The following SPIDR variants were observed in gnomAD, a reference collection of about 807,000 sequenced individuals.
The protein encoded by SPIDR is DNA repair-scaffolding protein.
Under a neutral mutation model 104.6 loss-of-function variants are expected in SPIDR, and 93 were observed. The observed-to-expected ratio is 0.89, with a 90% CI of 0.75 to 1.06. The LOEUF (loss-of-function observed/expected upper bound fraction) is 1.06, where lower values mean the gene tolerates loss of function less well. SPIDR is among the 50% of genes least tolerant of loss of function. SPIDR has a pLI of 0.00. For synonymous variants in SPIDR, 431 were observed against 416.9 expected, an observed-to-expected ratio of 1.03 and a Z score of -0.41; for missense variants, 1,154 against 1,111.2, an observed-to-expected ratio of 1.04 and a Z score of -0.55.
Position 47,440,302 on chromosome 8 carries a change from G to A in SPIDR, c.878-21G>A. 1.9e-6 allele frequency: 3 copies of A among 1,605,016 alleles called. No individual in the cohort carries two copies. The South Asian group carries it at 3.3e-5, about 18-fold the overall frequency. ...TGTCTTTTGATTTCATTTTTGCTTT[G>A]TTCTTTTCTTCAACTTCTAGGTAGA... On this transcript the variant is annotated intron_variant, in intron 7 of 19. Transcript: ENST00000297423.
At chr8:47,726,555 G>A (rs548570458) in intron 16 of SPIDR, among the ~76,000 whole-genome samples, 24 of 152,220 alleles carry the variant, frequency 1.6e-4, no homozygotes, top group Admixed American at 1.4e-3. Flanking sequence ...GTGCTCACCC[G>A]GCCTCAGCCC....
chr8:47,480,722 T>C (rs934037168), intron 8 of SPIDR, among the ~76,000 whole-genome samples: 6 of 152,200 alleles, frequency 3.9e-5, no homozygotes, highest in African/African-American at 7.2e-5. Context: ...GCTGAGAGTC[T>C]GGAAAAGGCA....
chr8:47,708,263 C>T (rs555601449), intron 14 of SPIDR, among the ~76,000 whole-genome samples: 1 of 152,392 alleles, frequency 6.6e-6, no homozygotes, highest in East Asian at 1.9e-4. Flanking sequence ...TGTGCCACTA[C>T]ACTCCAGCCT....
At chr8:47,412,581 A>G (rs1376880165) in intron 7 of SPIDR, among the ~76,000 whole-genome samples, 1 of 152,210 alleles carries the variant, frequency 6.6e-6, no homozygotes, top group Non-Finnish European at 1.5e-5. Context: ...ACTCTGGCCA[A>G]CATGGGCTAC....
intron 10 of SPIDR, among the ~76,000 whole-genome samples, chr8:47,611,946 A>G (rs993628142): frequency 8.5e-5 from 13 of 152,188 alleles, no homozygotes; most frequent in Non-Finnish European, 1.8e-4. Flanking sequence ...GAGACTCCTC[A>G]GGCCTCTGGT....
chr8:47,572,673 A>AAAATAAATAAAT (rs56105115), intron 8 of SPIDR, among the ~76,000 whole-genome samples: 28,608 of 145,660 alleles, frequency 0.2, 3,344 homozygotes, highest in East Asian at 0.28. Context: ...AAATTAAATT[A>AAAATAAATAAAT]AAATAAATAA....
intron 16 of SPIDR, 60 bp downstream of exon 16, chr8:47,713,701 T>C: frequency 6.3e-7 from 1 of 1,582,828 alleles, no homozygotes; most frequent in Middle Eastern, 2.0e-4. Flanking sequence ...TACTTTATAT[T>C]CATTTACTCA....
intron 10 of SPIDR, among the ~76,000 whole-genome samples, chr8:47,657,335 G>T (rs1161170178): frequency 1.3e-5 from 2 of 152,068 alleles, no homozygotes; most frequent in Non-Finnish European, 1.5e-5. Context: ...TTCAATTTTT[G>T]TAACATTTTT....
chr8:47,270,122 GT>G (rs1293973029), intron 1 of SPIDR, among the ~76,000 whole-genome samples: 1 of 152,158 alleles, frequency 6.6e-6, no homozygotes, highest in Non-Finnish European at 1.5e-5. Flanking sequence ...TCGTTGTTAT[GT>G]TTTGGTTTTA....
intron 10 of SPIDR, among the ~76,000 whole-genome samples, chr8:47,654,947 A>G (rs189471773): frequency 1.4e-4 from 22 of 151,910 alleles, no homozygotes; most frequent in South Asian, 6.3e-4. Flanking sequence ...TCATTGTTCA[A>G]TTCCTACCTA....
At chr8:47,487,487 G>T (rs1162672438) in intron 8 of SPIDR, among the ~76,000 whole-genome samples, 5 of 152,134 alleles carry the variant, frequency 3.3e-5, no homozygotes, top group African/African-American at 1.2e-4. Context: ...ATTGAACTCA[G>T]CTCTGCACCT....
At chr8:47,319,327 A>G (rs1407564659) in intron 5 of SPIDR, among the ~76,000 whole-genome samples, 1 of 152,234 alleles carries the variant, frequency 6.6e-6, no homozygotes, top group Non-Finnish European at 1.5e-5. Flanking sequence ...TTAAACCAAC[A>G]AAGATCAAAA....
intron 8 of SPIDR, among the ~76,000 whole-genome samples, chr8:47,509,306 G>A (rs1033819807): frequency 2.0e-5 from 3 of 152,178 alleles, no homozygotes; most frequent in South Asian, 2.1e-4. Context: ...AATGCTGGCC[G>A]GAATTCCTGT....
At chr8:47,270,304 CTTTG>C (rs1192112414) in intron 1 of SPIDR, among the ~76,000 whole-genome samples, 13 of 152,256 alleles carry the variant, frequency 8.5e-5, no homozygotes, top group African/African-American at 1.7e-4. Context: ...GACTCAATCT[CTTTG>C]TTTGTTACAG....
At chr8:47,632,122 G>A (rs1237400666) in intron 10 of SPIDR, among the ~76,000 whole-genome samples, 1 of 152,130 alleles carries the variant, frequency 6.6e-6, no homozygotes, top group Non-Finnish European at 1.5e-5. Context: ...TAGGAAGCAT[G>A]TTCTTCACAA....
At chr8:47,422,696 T>C (rs2065752521) in intron 7 of SPIDR, among the ~76,000 whole-genome samples, 1 of 152,220 alleles carries the variant, frequency 6.6e-6, no homozygotes, top group Admixed American at 6.5e-5. Flanking sequence ...GTCTTTTGTG[T>C]CGCTCACGCT....
intron 5 of SPIDR, among the ~76,000 whole-genome samples, chr8:47,350,516 G>A (rs925707315): frequency 6.6e-6 from 1 of 152,046 alleles, no homozygotes. Flanking sequence ...GTTTCACCAT[G>A]TTGTCCAGGT....
intron 8 of SPIDR, among the ~76,000 whole-genome samples, chr8:47,582,122 CAGG>C (rs1334868332): frequency 2.0e-5 from 3 of 151,236 alleles, no homozygotes; most frequent in African/African-American, 4.9e-5. Context: ...GAGTCTGAAG[CAGG>C]AGAATTGCTT....
intron 8 of SPIDR, among the ~76,000 whole-genome samples, chr8:47,446,144 A>G (rs1286887835): frequency 6.6e-6 from 1 of 152,204 alleles, no homozygotes; most frequent in Non-Finnish European, 1.5e-5. Flanking sequence ...TGGCGAGGAA[A>G]AGTCAATGCC....
Sources: gnomAD v4.1 joint callset for allele counts (sites outside exome capture counted in the v4.1 genomes callset) on GRCh38, gnomAD v4.1.1 for gene constraint, MANE v1.5 for transcripts, NCBI Gene and HGNC (gene_info 2026-07-23, HGNC 2026-07-21) for gene names.